TAF6: variants seen among roughly 807,000 people sequenced by gnomAD.
TAF6 encodes the protein transcription initiation factor TFIID subunit 6.
TAF6 carries 50 observed loss-of-function variants against 73.5 expected under a neutral mutation model. The ratio of observed to expected loss-of-function variants is 0.68; its 90% CI spans 0.54 to 0.86. The LOEUF (loss-of-function observed/expected upper bound fraction) is 0.86, where lower values mean the gene tolerates loss of function less well. Ranked by LOEUF, TAF6 falls within the 40% of genes least tolerant of loss-of-function variation. The probability of loss-of-function intolerance (pLI) is 0.00; values close to 1 mark genes in which losing one functional copy is unlikely to be tolerated. For synonymous variants in TAF6, 424 were observed against 376.7 expected (o/e 1.13, Z -1.45); for missense variants, 768 against 899.5 (o/e 0.85, Z 1.87).
intron 14 of TAF6, 84 bp downstream of exon 14, chr7:100,107,842 C>G (rs1470043758): frequency 1.3e-6 from 2 of 1,493,364 alleles, no homozygotes; most frequent in African/African-American, 2.8e-5. Context: ...CCAGAGGGGA[C>G]TGTGCTCTAC....
Position 100,112,170 on chromosome 7 carries a change from G to A in TAF6, c.658C>T (p.Gln220Ter). The change falls in exon 7 of 15, where the codon CAG becomes TAG. Residue 220 changes from glutamine to a stop codon, truncating the protein, a stop_gained. Transcript: ENST00000453269. LOFTEE classifies it high-confidence loss of function. ...GTGATCTCCTTGTAGTAGAGCTGCT[G>A]CTCCACAGACAACTCGTGGATGCTC... ...PRSIHELSVE[Q>*]QLYYKEITEA... The A allele has an allele frequency of 1.2e-6, 2 of 1,614,158 alleles. No individual in the cohort carries two copies. Among genetic ancestry groups the A allele is most frequent in the South Asian group, 2.2e-5 (2 of 91,082 alleles).
At chr7:100,125,142 C>T in the TAF6 span, 2 of 449,476 alleles carry the variant, frequency 4.4e-6, no homozygotes, top group Non-Finnish European at 3.9e-6. Flanking sequence ...GGTGTATGTG[C>T]TGACAGTACT....
chr7:100,109,889 G>A, intron 12 of TAF6, 59 bp downstream of exon 12: 1 of 1,597,912 alleles, frequency 6.3e-7, no homozygotes, highest in Non-Finnish European at 8.5e-7. Flanking sequence ...TATGCCATAT[G>A]CTTGCTAAAC....
upstream of TAF6, chr7:100,124,283 T>C (rs921516732): frequency 4.0e-5 from 20 of 504,006 alleles, no homozygotes; most frequent in African/African-American, 3.5e-4. Flanking sequence ...GCAATTACCA[T>C]ACATATTTTA....
In TAF6 at chr7:100,113,405, G is replaced by C; in HGVS notation, c.398C>G (p.Ala133Gly). The change falls in exon 5 of 15, where the codon GCT becomes GGT. Residue 133 changes from alanine to glycine, a missense_variant and splice_region_variant. Around this residue, in one of 5 missense-constraint regions of TAF6, gnomAD observed 269 missense variants for 268.0 expected, o/e 1.00. Coordinates refer to ENST00000453269, the MANE Select transcript of TAF6 (RefSeq NM_139315.3). ...GCAGCCCTCGATGCTCAGCCAATGA[G>C]CTGCAAGGAAGGCAGGTGTCAAGGT... is the stretch of plus-strand genomic sequence containing the variant. ...PRVPLDVCLK[A>G]HWLSIEGCQP... The C allele has an allele frequency of 6.3e-7, 1 of 1,587,950 alleles. No individual in the cohort carries two copies. Among genetic ancestry groups the C allele is most frequent in the Non-Finnish European group, 8.6e-7 (1 of 1,167,328 alleles).
chr7:100,121,187 T>C (rs972881270), upstream of TAF6: 2 of 133,944 alleles, frequency 1.5e-5, no homozygotes, highest in African/African-American at 5.6e-5. Flanking sequence ...TTGCCCAGGC[T>C]GGAGTGCAGT....
rs766700702 is a variant in TAF6, at chr7:100,112,006, G to A, written c.721-7C>T. The A allele has an allele frequency of 6.2e-7, 1 of 1,614,026 alleles. No individual in the cohort carries two copies. Among genetic ancestry groups the A allele is most frequent in the Non-Finnish European group, 8.5e-7 (1 of 1,179,938 alleles). ...CAATGCTTTGCAGGGCTTCCTGTGG[G>A]AGGAGGGAAGCCAGTCAGGTGGGGG... On this transcript the variant is annotated splice_polypyrimidine_tract_variant and splice_region_variant and intron_variant, in intron 7 of 14. Transcript: ENST00000453269.
At chr7:100,114,340 C>T (rs1397907047) in intron 1 of TAF6, 72 bp from the exon 2 acceptor site, 14 of 1,450,412 alleles carry the variant, frequency 9.7e-6, no homozygotes. Flanking sequence ...AAAGGGAGGA[C>T]AGTGGAGACA....
chr7:100,114,502 T>C lies in TAF6; in HGVS notation c.-59-234A>G, dbSNP rs1314838280. ...TGGGAGGACGAGGCGGGCGGATCAC[T>C]TGAGGTCAGGAATTCGAGACCAGCC... is the stretch of plus-strand genomic sequence containing the variant. On this transcript the variant is annotated intron_variant, in intron 1 of 14. Coordinates refer to ENST00000453269, the MANE Select transcript of TAF6 (RefSeq NM_139315.3). The C allele has an allele frequency of 5.0e-6, 3 of 604,640 alleles. No individual in the cohort carries two copies. The African/African-American group carries it at 5.6e-5, about 11-fold the overall frequency. The allele number at this position is 604,640 out of a possible 1,614,324, so 37.5% of individuals were successfully genotyped here. A position where few individuals can be genotyped will look rare whatever the true frequency, so the allele number is the denominator to read the frequency against.
intron 4 of TAF6, 61 bp from the exon 5 acceptor site, chr7:100,113,466 T>A: frequency 6.5e-7 from 1 of 1,531,086 alleles, no homozygotes; most frequent in Non-Finnish European, 8.8e-7. Context: ...AGTTGCCCCA[T>A]GCTATGGAAG....
chr7:100,121,647 GTGGGCCAGGCTGGTCT>G (rs1415288360), upstream of TAF6, among the ~76,000 whole-genome samples: 2 of 151,604 alleles, frequency 1.3e-5, no homozygotes, highest in Admixed American at 6.6e-5. Context: ...GTTTCACCAT[GTGGGCCAGGCTGGTCT>G]TGAACTCCTC....
At chr7:100,113,455 G>T (rs765206279) in intron 4 of TAF6, 50 bp from the exon 5 acceptor site, 1 of 1,538,628 alleles carries the variant, frequency 6.5e-7, no homozygotes, top group Non-Finnish European at 8.8e-7. Context: ...GGACATTGGG[G>T]AGTTGCCCCA....
chr7:100,114,661 A>T, intron 1 of TAF6: 1 of 342,826 alleles, frequency 2.9e-6, no homozygotes, highest in Non-Finnish European at 5.4e-6. Context: ...CAGAGGTTGC[A>T]GTGAGCCGAG....
In TAF6 at chr7:100,114,056, G is replaced by A. The variant is rs1187039469; in HGVS notation, c.154C>T (p.Gln52Ter). The change falls in exon 2 of 15, where the codon CAG becomes TAG. Residue 52 changes from glutamine (Q) to a stop codon, truncating the protein, a stop_gained and splice_region_variant. Transcript: ENST00000453269. LOFTEE classifies it high-confidence loss of function. The stretch of plus-strand genomic sequence containing the variant: ...GCTGGACAGAAGGGCCGGGTCACCT[G>A]TGCGATCTCTTTGATGCGGTAGCTG... ...EVSYRIKEIA[Q>*]DALKFMHMGK... is the part of the protein sequence containing the mutation. The A allele has an allele frequency of 1.2e-6, 2 of 1,614,132 alleles. No homozygotes were observed. Among genetic ancestry groups the A allele is most frequent in the Admixed American group, 3.3e-5 (2 of 60,022 alleles).
chr7:100,109,228 G>A (rs34328921), intron 12 of TAF6, among the ~76,000 whole-genome samples: 1 of 151,780 alleles, frequency 6.6e-6, no homozygotes, highest in Non-Finnish European at 1.5e-5. Flanking sequence ...GGAGGCTGAG[G>A]CATGAGAATT....
Position 100,107,505 on chromosome 7 carries a change from G to A in TAF6, c.1775C>T (p.Pro592Leu). 6.2e-7 allele frequency: 1 copy of A among 1,614,128 alleles called. No individual in the cohort carries two copies. Among genetic ancestry groups the A allele is most frequent in the Non-Finnish European group, 8.5e-7 (1 of 1,180,002 alleles). Reference sequence around the variant, plus strand: ...AGGACCAGAGGGAGCAGTGCTGGGGGGTGCGGTGGTGGCGGTGGAGACCAA... The same window carrying A: ...AGGACCAGAGGGAGCAGTGCTGGGGAGTGCGGTGGTGGCGGTGGAGACCAA... ...VKLVSTATTA[P>L]PSTAPSGPGS... Residue 592 changes from proline to leucine, a missense_variant, in exon 15 of 15, where the codon CCC becomes CTC. Physicochemically the swap from Pro to Leu is moderately conservative, Grantham distance 98 (BLOSUM62 -3). This residue lies in a region of TAF6 where 350 missense variants were observed against 352.3 expected (regional missense o/e 0.99). Transcript: ENST00000453269.
chr7:100,107,335 C>T lies in TAF6; in HGVS notation c.1945G>A (p.Glu649Lys), dbSNP rs1427749810. The T allele has an allele frequency of 4.5e-6, 7 of 1,545,346 alleles. No homozygotes were observed. The highest frequency in any genetic ancestry group is 2.3e-5 in the East Asian group (1 of 44,192). Reference protein sequence around the residue: ...SGSALCGGKQEAGDSPPPAPG... With the variant: ...SGSALCGGKQKAGDSPPPAPG... ...GCTGGAGGGGGACTGTCCCCAGCCT[C>T]CTGCTTCCCCCCACAAAGGGCACTG... The change falls in exon 15 of 15, where the codon GAG becomes AAG. Residue 649 changes from glutamate (E) to lysine (K), a missense_variant. This residue lies in a region of TAF6 where 350 missense variants were observed against 352.3 expected (regional missense o/e 0.99). Transcript: ENST00000453269.
At chr7:100,119,147 A>G (rs1004783694) in intron 1 of TAF6, 57 bp downstream of exon 1, 1 of 986,808 alleles carries the variant, frequency 1.0e-6, no homozygotes, top group African/African-American at 1.7e-5. Context: ...CTCCTGCAAC[A>G]TCTCTCCAAT....
chr7:100,113,037 G>C, intron 5 of TAF6, 120 bp from the exon 6 acceptor site: 1 of 1,399,188 alleles, frequency 7.1e-7, no homozygotes, highest in Non-Finnish European at 9.6e-7. Flanking sequence ...GGCCAAGGCG[G>C]GTGGATCACC....
Sources: gnomAD v4.1 joint callset for allele counts (sites outside exome capture counted in the v4.1 genomes callset) on GRCh38, gnomAD v4.1.1 for gene constraint, gnomAD v4.1.1 regional missense constraint, MANE v1.5 for transcripts, NCBI Gene and HGNC (gene_info 2026-07-23, HGNC 2026-07-21) for gene names.